Variants in ENTREP2 observed in about 807,000 individuals in gnomAD.
The protein encoded by ENTREP2 is protein ENTREP2.
the ENTREP2 span, among the ~76,000 whole-genome samples, chr15:29,327,200 G>A: frequency 6.6e-6 from 1 of 152,080 alleles, no homozygotes; most frequent in African/African-American, 2.4e-5. Context: ...CAGACTGAAA[G>A]AAAATATTTG....
At chr15:29,204,997 C>T in the ENTREP2 span, among the ~76,000 whole-genome samples, 1 of 152,084 alleles carries the variant, frequency 6.6e-6, no homozygotes, top group East Asian at 1.9e-4. Flanking sequence ...TCCCACAGGC[C>T]CCCAACAACT....
chr15:29,151,183 C>T, the ENTREP2 span, among the ~76,000 whole-genome samples: 2 of 152,132 alleles, frequency 1.3e-5, no homozygotes, highest in Admixed American at 6.5e-5. Flanking sequence ...GTGAACCATG[C>T]TCCGGGCCTC....
chr15:29,245,036 C>T, the ENTREP2 span, among the ~76,000 whole-genome samples: 1 of 152,174 alleles, frequency 6.6e-6, no homozygotes, highest in African/African-American at 2.4e-5. Flanking sequence ...TGTACAGATA[C>T]TGGAAAGCAG....
At chr15:29,214,180 C>G in the ENTREP2 span, among the ~76,000 whole-genome samples, 1 of 152,152 alleles carries the variant, frequency 6.6e-6, no homozygotes, top group Non-Finnish European at 1.5e-5. Context: ...CCAGCCATCC[C>G]ATTACTGGGT....
chr15:29,357,656 T>C, the ENTREP2 span, among the ~76,000 whole-genome samples: 1 of 151,806 alleles, frequency 6.6e-6, no homozygotes, highest in Non-Finnish European at 1.5e-5. Context: ...CCTAACATGG[T>C]GAAACCTCGT....
At chr15:29,324,793 A>G in the ENTREP2 span, among the ~76,000 whole-genome samples, 1 of 152,224 alleles carries the variant, frequency 6.6e-6, no homozygotes, top group South Asian at 2.1e-4. Flanking sequence ...AAAAATGGAC[A>G]AATGTACTAT....
the ENTREP2 span, among the ~76,000 whole-genome samples, chr15:29,495,464 G>A: frequency 6.6e-6 from 1 of 152,130 alleles, no homozygotes; most frequent in Non-Finnish European, 1.5e-5. Flanking sequence ...AAACATCACT[G>A]CTAAGATCCA....
chr15:29,123,305 G>A, the ENTREP2 span: 2 of 1,473,850 alleles, frequency 1.4e-6, no homozygotes, highest in African/African-American at 1.4e-5. Context: ...TGTGGCGCCA[G>A]GCGTTGGTGT....
the ENTREP2 span, among the ~76,000 whole-genome samples, chr15:29,631,538 G>C: frequency 1.3e-4 from 20 of 152,200 alleles, no homozygotes; most frequent in African/African-American, 4.6e-4. Flanking sequence ...TCTGCAATGC[G>C]TATGTACATC....
the ENTREP2 span, among the ~76,000 whole-genome samples, chr15:29,666,063 G>A: frequency 2.6e-5 from 4 of 151,702 alleles, no homozygotes; most frequent in East Asian, 7.8e-4. Context: ...CACCATGTTG[G>A]CCAGGCTGGT....
chr15:29,482,597 T>C, the ENTREP2 span, among the ~76,000 whole-genome samples: 1 of 152,224 alleles, frequency 6.6e-6, no homozygotes, highest in Non-Finnish European at 1.5e-5. Context: ...CAGCAGTGTG[T>C]AGCCTCTTCA....
chr15:29,337,935 C>T, the ENTREP2 span, among the ~76,000 whole-genome samples: 2 of 152,126 alleles, frequency 1.3e-5, no homozygotes, highest in African/African-American at 4.8e-5. Flanking sequence ...TGACTTTTAT[C>T]AAATCATTCA....
the ENTREP2 span, among the ~76,000 whole-genome samples, chr15:29,285,847 T>C: frequency 6.6e-6 from 1 of 152,200 alleles, no homozygotes; most frequent in African/African-American, 2.4e-5. Context: ...GAGATTCAGC[T>C]TGAGCAAGCT....
chr15:29,568,805 T>C, the ENTREP2 span, among the ~76,000 whole-genome samples: 3 of 151,868 alleles, frequency 2.0e-5, no homozygotes, highest in East Asian at 3.8e-4. Flanking sequence ...TACACATTTA[T>C]TTAACTCTTT....
At chr15:29,269,392 G>T in the ENTREP2 span, 3 of 1,614,010 alleles carry the variant, frequency 1.9e-6, no homozygotes, top group African/African-American at 4.0e-5. Context: ...CCGCTTGATC[G>T]GAATCTTCTT....
the ENTREP2 span, among the ~76,000 whole-genome samples, chr15:29,191,778 G>A: frequency 6.6e-6 from 1 of 152,182 alleles, no homozygotes; most frequent in South Asian, 2.1e-4. Flanking sequence ...GCTGGGCATG[G>A]TGGCATATGC....
At chr15:29,205,092 T>C in the ENTREP2 span, among the ~76,000 whole-genome samples, 3 of 152,212 alleles carry the variant, frequency 2.0e-5, no homozygotes, top group South Asian at 2.1e-4. Flanking sequence ...CTTTTGTGGC[T>C]GGCCTATTTC....
the ENTREP2 span, among the ~76,000 whole-genome samples, chr15:29,174,679 G>A: frequency 7.1e-6 from 1 of 141,478 alleles, no homozygotes; most frequent in Non-Finnish European, 1.5e-5. Flanking sequence ...GACAGAGTGA[G>A]ACTCCAACTA....
the ENTREP2 span, among the ~76,000 whole-genome samples, chr15:29,253,511 C>T: frequency 7.1e-3 from 1,046 of 148,118 alleles, 14 homozygotes; most frequent in African/African-American, 0.025. Context: ...GGCACAATCT[C>T]GGCTCATTGC....
Sources: allele counts gnomAD v4.1 joint callset (sites outside exome capture counted in the v4.1 genomes callset), GRCh38; gene constraint gnomAD v4.1.1; transcripts MANE v1.5; gene names NCBI Gene and HGNC (gene_info 2026-07-23, HGNC 2026-07-21).